Variants in IFT56 observed in about 807,000 individuals in gnomAD.
The protein encoded by IFT56 is intraflagellar transport protein 56.
the IFT56 span, among the ~76,000 whole-genome samples, chr7:139,138,529 G>T: frequency 5.3e-5 from 8 of 152,230 alleles, no homozygotes; most frequent in African/African-American, 1.9e-4. Context: ...TGTATCTTGT[G>T]TACGTTTTAC....
the IFT56 span, among the ~76,000 whole-genome samples, chr7:139,157,518 T>TTA: frequency 6.8e-6 from 1 of 146,542 alleles, no homozygotes; most frequent in African/African-American, 2.5e-5. Context: ...TTTTTTTTTT[T>TTA]AGACAAGCTC....
chr7:139,157,138 T>TC, the IFT56 span, among the ~76,000 whole-genome samples: 1 of 108,074 alleles, frequency 9.3e-6, no homozygotes, highest in Non-Finnish European at 1.8e-5. Flanking sequence ...ATCTTTAATT[T>TC]CTTTTTTTTT....
At chr7:139,171,687 A>G in the IFT56 span, among the ~76,000 whole-genome samples, 5 of 152,232 alleles carry the variant, frequency 3.3e-5, no homozygotes, top group South Asian at 1.0e-3. Context: ...CAAAAATCAA[A>G]TCAAAATGGA....
chr7:139,186,426 TAA>T, the IFT56 span, among the ~76,000 whole-genome samples: 10 of 137,536 alleles, frequency 7.3e-5, no homozygotes, highest in Non-Finnish European at 4.7e-5. Context: ...ATCCTATCTC[TAA>T]AAAAAAAAAA....
chr7:139,165,883 T>C, the IFT56 span, among the ~76,000 whole-genome samples: 2 of 152,208 alleles, frequency 1.3e-5, no homozygotes, highest in Admixed American at 1.3e-4. Flanking sequence ...AACATATTCC[T>C]CATGGAGGAA....
the IFT56 span, among the ~76,000 whole-genome samples, chr7:139,163,361 A>G: frequency 1.3e-5 from 2 of 152,030 alleles, no homozygotes; most frequent in East Asian, 1.9e-4. Flanking sequence ...AAAAAGAAAA[A>G]AAAGAAAGTG....
the IFT56 span, among the ~76,000 whole-genome samples, chr7:139,143,944 C>T: frequency 6.6e-6 from 1 of 152,058 alleles, no homozygotes; most frequent in African/African-American, 2.4e-5. Context: ...AATTAAAGGA[C>T]CTTAGATCAT....
At chr7:139,184,830 G>C in the IFT56 span, among the ~76,000 whole-genome samples, 1 of 151,842 alleles carries the variant, frequency 6.6e-6, no homozygotes, top group East Asian at 1.9e-4. Flanking sequence ...TGAGGCGGGC[G>C]GATCACAAGG....
chr7:139,147,123 T>G, the IFT56 span: 1 of 1,610,410 alleles, frequency 6.2e-7, no homozygotes, highest in Non-Finnish European at 8.5e-7. Flanking sequence ...TTTACATGTC[T>G]TTTCCACTCT....
the IFT56 span, among the ~76,000 whole-genome samples, chr7:139,180,051 C>T: frequency 9.2e-5 from 14 of 152,176 alleles, no homozygotes; most frequent in Non-Finnish European, 1.6e-4. Flanking sequence ...TATTATAGAA[C>T]TTTAGGCCGG....
At chr7:139,177,630 G>GTGTGTGTGTA in the IFT56 span, among the ~76,000 whole-genome samples, 3 of 150,914 alleles carry the variant, frequency 2.0e-5, no homozygotes, top group East Asian at 2.0e-4. Flanking sequence ...GTGTGTGTGT[G>GTGTGTGTGTA]TATATATATC....
chr7:139,187,491 G>A, the IFT56 span: 1 of 1,614,196 alleles, frequency 6.2e-7, no homozygotes, highest in Middle Eastern at 1.6e-4. Context: ...GGCAAACGGG[G>A]TGCCTGTGTG....
chr7:139,158,783 G>A, the IFT56 span, among the ~76,000 whole-genome samples: 1,058 of 151,976 alleles, frequency 7.0e-3, 13 homozygotes, highest in African/African-American at 0.023. Flanking sequence ...GTGTGGTGGC[G>A]TGTAGTTGTG....
At chr7:139,170,293 C>T in the IFT56 span, among the ~76,000 whole-genome samples, 3 of 152,162 alleles carry the variant, frequency 2.0e-5, no homozygotes, top group Non-Finnish European at 2.9e-5. Flanking sequence ...TAAAGAAAAA[C>T]TAATACCAAT....
chr7:139,167,052 G>A, the IFT56 span, among the ~76,000 whole-genome samples: 1 of 152,140 alleles, frequency 6.6e-6, no homozygotes, highest in Non-Finnish European at 1.5e-5. Flanking sequence ...TGTTATATGC[G>A]ACTTGTGATA....
the IFT56 span, among the ~76,000 whole-genome samples, chr7:139,177,028 C>T: frequency 6.6e-6 from 1 of 151,584 alleles, no homozygotes; most frequent in African/African-American, 2.4e-5. Context: ...AAAAATTAAC[C>T]AGGTGTGGTG....
chr7:139,172,204 T>C, the IFT56 span, among the ~76,000 whole-genome samples: 2 of 152,126 alleles, frequency 1.3e-5, no homozygotes, highest in African/African-American at 4.8e-5. Context: ...CTGCAATGTC[T>C]ATTGAAATAG....
the IFT56 span, chr7:139,169,406 A>T: frequency 2.0e-6 from 3 of 1,511,400 alleles, no homozygotes; most frequent in Non-Finnish European, 2.8e-6. Context: ...TGGGGCATAT[A>T]TTGACCGTGA....
the IFT56 span, among the ~76,000 whole-genome samples, chr7:139,184,915 G>C: frequency 6.6e-6 from 1 of 151,438 alleles, no homozygotes; most frequent in South Asian, 2.1e-4. Flanking sequence ...TTAGCCAGGC[G>C]TGGTGGCGGG....
Sources: gnomAD v4.1 joint callset for allele counts (sites outside exome capture counted in the v4.1 genomes callset) on GRCh38, gnomAD v4.1.1 for gene constraint, MANE v1.5 for transcripts, NCBI Gene and HGNC (gene_info 2026-07-23, HGNC 2026-07-21) for gene names.